TDRD12: variants seen among roughly 807,000 people sequenced by gnomAD.
TDRD12 encodes the protein putative ATP-dependent RNA helicase TDRD12.
In TDRD12, 158 loss-of-function variants were observed where a neutral mutation model predicts 133.5. That is an observed-to-expected ratio of 1.18 (90% CI 1.04 to 1.35). The LOEUF is 1.35. Among genes scored for constraint, TDRD12 ranks in the 40% most tolerant of loss-of-function variants. The probability of loss-of-function intolerance (pLI) is 0.00; values close to 1 mark genes in which losing one functional copy is unlikely to be tolerated. For missense variants in TDRD12, 1,443 were observed against 1,321.3 expected (o/e 1.09, Z -1.43); for synonymous variants, 460 against 477.9 (o/e 0.96, Z 0.49).
At chr19:32,723,258 GT>G (rs916325323) in intron 1 of TDRD12, among the ~76,000 whole-genome samples, 7 of 145,620 alleles carry the variant, frequency 4.8e-5, no homozygotes, top group South Asian at 2.2e-4. Flanking sequence ...TAACTATTTT[GT>G]TTTTTTTTTG....
chr19:32,739,830 C>G (rs1000007795), intron 3 of TDRD12, among the ~76,000 whole-genome samples: 1 of 142,452 alleles, frequency 7.0e-6, no homozygotes, highest in African/African-American at 2.7e-5. Context: ...TCTGCATCTC[C>G]TGGGCACTCT....
intron 9 of TDRD12, 95 bp from the exon 10 acceptor site, chr19:32,773,361 C>G (rs1225850128): frequency 9.2e-7 from 1 of 1,089,850 alleles, no homozygotes; most frequent in African/African-American, 1.6e-5. Flanking sequence ...GATGGTTGTT[C>G]ATGAGAATAA....
At chr19:32,721,150 C>G (rs1968647664) in intron 1 of TDRD12, among the ~76,000 whole-genome samples, 2 of 152,224 alleles carry the variant, frequency 1.3e-5, no homozygotes, top group South Asian at 4.1e-4. Context: ...GGGCGTTGTT[C>G]TAGTCCTCGG....
chr19:32,757,415 G>A (rs775885745), intron 8 of TDRD12, among the ~76,000 whole-genome samples: 7 of 152,118 alleles, frequency 4.6e-5, no homozygotes, highest in Non-Finnish European at 7.3e-5. Flanking sequence ...TCCCTAGAGT[G>A]TACATATGTA....
At chr19:32,760,376 C>A (rs1239680485) in intron 8 of TDRD12, among the ~76,000 whole-genome samples, 1 of 152,134 alleles carries the variant, frequency 6.6e-6, no homozygotes, top group Non-Finnish European at 1.5e-5. Context: ...GAAGGTACTT[C>A]AGTTATATTT....
At chr19:32,789,493 G>A (rs1971005818) in intron 11 of TDRD12, among the ~76,000 whole-genome samples, 1 of 152,124 alleles carries the variant, frequency 6.6e-6, no homozygotes, top group Non-Finnish European at 1.5e-5. Flanking sequence ...TGCCTGTTCA[G>A]GACATTTCAT....
intron 1 of TDRD12, among the ~76,000 whole-genome samples, chr19:32,726,288 G>C (rs1968857614): frequency 6.6e-6 from 1 of 151,952 alleles, no homozygotes; most frequent in South Asian, 2.1e-4. Flanking sequence ...CACTGTGTTA[G>C]CCACGATGGT....
intron 20 of TDRD12, 52 bp from the exon 21 acceptor site, chr19:32,802,870 C>T: frequency 7.2e-6 from 11 of 1,527,452 alleles, no homozygotes; most frequent in Non-Finnish European, 7.9e-6. Context: ...AAGGTTTCCT[C>T]AGTCAGACTG....
chr19:32,747,103 TCTG>T (rs1339137107), intron 4 of TDRD12, among the ~76,000 whole-genome samples: 2 of 151,374 alleles, frequency 1.3e-5, no homozygotes, highest in Admixed American at 6.6e-5. Flanking sequence ...ATGGGGTTAT[TCTG>T]TGTGTGTGAG....
chr19:32,805,812 A>G (rs536272133), intron 21 of TDRD12, among the ~76,000 whole-genome samples: 3 of 145,722 alleles, frequency 2.1e-5, no homozygotes, highest in South Asian at 4.4e-4. Context: ...GCTCACTGCA[A>G]CCTCCTCCTT....
exon 1 of TDRD12, chr19:32,719,859 G>A (rs1026830478): frequency 2.6e-5 from 16 of 605,206 alleles, no homozygotes; most frequent in East Asian, 1.4e-4. Context: ...CTGCCAGGAC[G>A]GAGCGCATTG....
intron 21 of TDRD12, 23 bp from the exon 22 acceptor site, chr19:32,807,526 A>G: frequency 7.0e-7 from 1 of 1,434,866 alleles, no homozygotes; most frequent in South Asian, 1.3e-5. Flanking sequence ...TACTTATGAT[A>G]AGTCTAGTCA....
chr19:32,740,764 G>T (rs2145475259), intron 3 of TDRD12, among the ~76,000 whole-genome samples: 2 of 152,302 alleles, frequency 1.3e-5, no homozygotes, highest in Middle Eastern at 6.8e-3. Flanking sequence ...GCACAGAGCA[G>T]AGCTTGTACT....
intron 5 of TDRD12, among the ~76,000 whole-genome samples, chr19:32,749,099 G>A (rs890952015): frequency 5.9e-5 from 9 of 152,252 alleles, no homozygotes; most frequent in Admixed American, 2.6e-4. Context: ...CTGGTGCCTC[G>A]TTGGGTCCTG....
At chr19:32,777,315 T>A in intron 11 of TDRD12, 86 bp downstream of exon 11, 1 of 897,516 alleles carries the variant, frequency 1.1e-6, no homozygotes, top group Non-Finnish European at 1.7e-6. Flanking sequence ...ATTTTATTAT[T>A]AATTTCAAAC....
Position 32,754,981 on chromosome 19 carries a change from A to T in TDRD12, c.583-1011A>T, listed in dbSNP as rs78610632. Among the ~76,000 whole-genome samples, 1,307 of 152,316 alleles carry T rather than the reference A, an allele frequency of 8.6e-3. 41 individuals are homozygous for T. In the East Asian group the frequency reaches 0.1, roughly 12 times the overall value. On this transcript the variant is annotated intron_variant, in intron 6 of 27. Coordinates refer to ENST00000444215, the Ensembl canonical transcript of TDRD12. ...ATGAGATCATAACTGCCGGAGGAAAAAATGTGGGCCAGCAATCCTTTACCA... is the reference window on the plus strand; with the variant it reads ...ATGAGATCATAACTGCCGGAGGAAATAATGTGGGCCAGCAATCCTTTACCA...
At chr19:32,749,900 T>C in intron 6 of TDRD12, 31 bp downstream of exon 6, 1 of 1,417,956 alleles carries the variant, frequency 7.1e-7, no homozygotes, top group Non-Finnish European at 9.6e-7. Context: ...TTTATAATAT[T>C]TCATCATTTT....
intron 2 of TDRD12, among the ~76,000 whole-genome samples, chr19:32,736,403 C>A (rs1260680473): frequency 1.3e-5 from 2 of 152,180 alleles, no homozygotes; most frequent in African/African-American, 4.8e-5. Context: ...CAAAAAACAA[C>A]AAACAATTAG....
chr19:32,787,333 C>T (rs908514085), intron 11 of TDRD12, among the ~76,000 whole-genome samples: 4 of 152,140 alleles, frequency 2.6e-5, no homozygotes, highest in African/African-American at 4.8e-5. Flanking sequence ...AGGTGTCTGT[C>T]GGCCCCTACT....
Sources: allele counts gnomAD v4.1 joint callset (sites outside exome capture counted in the v4.1 genomes callset), GRCh38; gene constraint gnomAD v4.1.1; transcripts MANE v1.5; gene names NCBI Gene and HGNC (gene_info 2026-07-23, HGNC 2026-07-21).